SHC4: variants seen among roughly 807,000 people sequenced by gnomAD.
SHC4 encodes SHC adaptor protein 4.
In SHC4, 41 loss-of-function variants were observed where a neutral mutation model predicts 69.4. The ratio of observed to expected loss-of-function variants is 0.59; its 90% confidence interval spans 0.46 to 0.77. SHC4 has a LOEUF of 0.77. SHC4 is among the 30% of genes least tolerant of loss of function. The pLI is 0.00. For missense variants in SHC4, 777 were observed against 783.8 expected (o/e 0.99, Z 0.10); for synonymous variants, 318 against 299.3 (o/e 1.06, Z -0.64).
intron 1 of SHC4, among the ~76,000 whole-genome samples, chr15:48,940,611 T>C (rs142290857): frequency 8.6e-4 from 131 of 152,328 alleles, no homozygotes; most frequent in African/African-American, 2.8e-3. Context: ...CTGGTCAAAG[T>C]TGATGTCCCT....
chr15:48,955,418 C>G (rs1040553573), intron 1 of SHC4, among the ~76,000 whole-genome samples: 1 of 152,136 alleles, frequency 6.6e-6, no homozygotes, highest in Admixed American at 6.5e-5. Context: ...TTGGTTCGGT[C>G]CCTCCATATG....
chr15:48,831,957 A>G (rs952398369), intron 11 of SHC4, among the ~76,000 whole-genome samples: 1 of 152,178 alleles, frequency 6.6e-6, no homozygotes, highest in Non-Finnish European at 1.5e-5. Context: ...CAGAAAGTCT[A>G]TATTTCTCTT....
chr15:48,888,566 T>C (rs1415775503), intron 3 of SHC4, among the ~76,000 whole-genome samples: 1 of 152,124 alleles, frequency 6.6e-6, no homozygotes, highest in Non-Finnish European at 1.5e-5. Flanking sequence ...AAAATATGAA[T>C]GTACTTAATA....
intron 2 of SHC4, among the ~76,000 whole-genome samples, chr15:48,891,783 A>G (rs1283115069): frequency 6.6e-6 from 1 of 152,200 alleles, no homozygotes; most frequent in Non-Finnish European, 1.5e-5. Context: ...TATTTTCTAT[A>G]GTTTCGATTC....
intron 2 of SHC4, 122 bp from the exon 3 acceptor site, chr15:48,890,933 A>C: frequency 9.8e-7 from 1 of 1,017,826 alleles, no homozygotes; most frequent in Non-Finnish European, 1.5e-6. Flanking sequence ...AGTCTAACAC[A>C]AATGGTATTC....
chr15:48,827,551 T>TTCTGCCTCCAC (rs148402449), intron 11 of SHC4, among the ~76,000 whole-genome samples: 6 of 4,264 alleles, frequency 1.4e-3, no homozygotes, highest in Admixed American at 5.7e-3. Flanking sequence ...TTTGTATTTC[T>TTCTGCCTCCAC]TCTGCCTCAG....
At chr15:48,919,979 A>C (rs1900714617) in intron 2 of SHC4, among the ~76,000 whole-genome samples, 1 of 151,970 alleles carries the variant, frequency 6.6e-6, no homozygotes, top group Non-Finnish European at 1.5e-5. Context: ...TTTACAAAAT[A>C]ATAGGGAAAT....
intron 2 of SHC4, among the ~76,000 whole-genome samples, chr15:48,911,123 C>T (rs1020447547): frequency 1.1e-4 from 17 of 152,230 alleles, no homozygotes; most frequent in African/African-American, 2.4e-4. Context: ...TATTTGTTGA[C>T]GCTCTGTCTT....
Position 48,962,751 on chromosome 15 carries a change from G to T in SHC4, c.265C>A (p.Arg89Ser). 6.2e-7 allele frequency: 1 copy of T among 1,613,176 alleles called. No individual in the cohort carries two copies. Among genetic ancestry groups the T allele is most frequent in the Non-Finnish European group, 8.5e-7 (1 of 1,180,016 alleles). ...SPTPLCTLIPRMASMKLANPA... is the reference protein window; with the variant it reads ...SPTPLCTLIPSMASMKLANPA... ...TTGGCCAGCTTCATGCTTGCCATGC[G>T]GGGGATCAAGGTGCACAGTGGGGTG... Residue 89 changes from arginine (R) to serine (S), a missense_variant, in exon 1 of 12, where the codon CGC (arginine) becomes AGC (serine). By Grantham distance (110) the Arg-to-Ser change is moderately radical. Coordinates refer to ENST00000332408, the MANE Select transcript of SHC4 (RefSeq NM_203349.4).
At chr15:48,921,198 A>C (rs1225953155) in intron 2 of SHC4, among the ~76,000 whole-genome samples, 2 of 152,208 alleles carry the variant, frequency 1.3e-5, no homozygotes, top group Non-Finnish European at 2.9e-5. Context: ...TAAAGGAAAT[A>C]AGCCAGACAG....
In SHC4 at chr15:48,949,915, T is replaced by C. The variant is rs539124851; in HGVS notation, c.585+12516A>G. On this transcript the variant is annotated intron_variant, in intron 1 of 11. Coordinates refer to ENST00000332408, the MANE Select transcript of SHC4 (RefSeq NM_203349.4). ...ACAAGTTATAAATTATACATATAAT[T>C]TATATAATATATTAATATGCAGATT... 2.2e-3 allele frequency among the ~76,000 whole-genome samples: 324 copies of C among 144,012 alleles called. 3 individuals carry two copies. Among genetic ancestry groups the C allele is most frequent in the Non-Finnish European group, 3.3e-3 (219 of 66,274 alleles). 94.5% of individuals were successfully genotyped at this position (144,012 alleles called of 152,430 possible). A position where few individuals can be genotyped will look rare whatever the true frequency, so the allele number is the denominator to read the frequency against.
chr15:48,953,644 A>T (rs1901399968), intron 1 of SHC4, among the ~76,000 whole-genome samples: 1 of 152,226 alleles, frequency 6.6e-6, no homozygotes, highest in Non-Finnish European at 1.5e-5. Context: ...TATTATGTTA[A>T]TGAGAATGTG....
At position 48,825,156 on chromosome 15, in the gene SHC4, GTTTT is replaced by G. The variant is rs141055657; in HGVS notation, c.*811_*814del. The G allele has an allele frequency of 6.6e-6, 1 of 151,228 alleles. No homozygotes were observed. The highest frequency in any genetic ancestry group is 1.9e-4 in the East Asian group (1 of 5,154). The allele number at this position is 151,228 out of a possible 1,614,324, so 9.4% of individuals were successfully genotyped here. A position where few individuals can be genotyped will look rare whatever the true frequency, so the allele number is the denominator to read the frequency against. ...TCCATGCACTCATGAGGTTTTTTTT[GTTTT>G]TTTTGTTTTTTGTTTTTTGTCTTTT... On this transcript the variant is annotated 3_prime_UTR_variant, in exon 12 of 12. Transcript: ENST00000332408.
intron 2 of SHC4, among the ~76,000 whole-genome samples, chr15:48,923,063 A>G (rs1414212766): frequency 3.3e-5 from 5 of 152,310 alleles, no homozygotes; most frequent in South Asian, 2.1e-4. Flanking sequence ...GAGTACAAAA[A>G]ACAGGATTAT....
At chr15:48,889,456 T>A (rs2056310007) in intron 3 of SHC4, among the ~76,000 whole-genome samples, 1 of 152,234 alleles carries the variant, frequency 6.6e-6, no homozygotes. Flanking sequence ...GCTCTGACCT[T>A]AATCATCCTA....
At chr15:48,827,180 T>C (rs1898705083) in intron 11 of SHC4, among the ~76,000 whole-genome samples, 1 of 152,186 alleles carries the variant, frequency 6.6e-6, no homozygotes, top group Non-Finnish European at 1.5e-5. Flanking sequence ...CTGCCAGCTC[T>C]CCTACAAGGG....
At chr15:48,858,230 T>G (rs1019578898) in intron 6 of SHC4, among the ~76,000 whole-genome samples, 1 of 152,148 alleles carries the variant, frequency 6.6e-6, no homozygotes, top group African/African-American at 2.4e-5. Context: ...TTATGGAAGA[T>G]TGAAAAAATA....
At chr15:48,916,559 C>CAA (rs35709723) in intron 2 of SHC4, among the ~76,000 whole-genome samples, 2,302 of 136,650 alleles carry the variant, frequency 0.017, 37 homozygotes, top group East Asian at 0.052. Flanking sequence ...AGCATCAGTT[C>CAA]AAAAAAAAAA....
At chr15:48,870,694 T>C (rs951186891) in intron 5 of SHC4, among the ~76,000 whole-genome samples, 3 of 151,278 alleles carry the variant, frequency 2.0e-5, no homozygotes, top group South Asian at 2.1e-4. Context: ...AAAAAAAGCA[T>C]GTCTTGGTTT....
Sources: allele counts gnomAD v4.1 joint callset (sites outside exome capture counted in the v4.1 genomes callset), GRCh38; gene constraint gnomAD v4.1.1; transcripts MANE v1.5; gene names NCBI Gene and HGNC (gene_info 2026-07-23, HGNC 2026-07-21).